The following CUX1 variants were observed in gnomAD, a reference collection of about 807,000 sequenced individuals.
CUX1 encodes protein CASP.
Under a neutral mutation model 158.8 loss-of-function variants are expected in CUX1, and 31 were observed. That is an observed-to-expected ratio of 0.20 (90% CI 0.15 to 0.26). CUX1 has a LOEUF of 0.26. Among genes scored for constraint, CUX1 ranks in the 10% least tolerant of loss-of-function variants. The pLI is 1.00. For synonymous variants in CUX1, 879 were observed against 862.1 expected, an observed-to-expected ratio of 1.02 and a Z score of -0.34; for missense variants, 1,589 against 2,014.6, an observed-to-expected ratio of 0.79 and a Z score of 4.04.
rs559041761 is a variant in CUX1, at chr7:102,194,010, G to A, written c.1125+120G>A. The A allele has an allele frequency of 6.4e-6, 6 of 942,510 alleles. No homozygotes were observed. The East Asian group carries it at 1.5e-4, about 23-fold the overall frequency. The allele number at this position is 942,510 out of a possible 1,614,324, so 58.4% of individuals were successfully genotyped here. On this transcript the variant is annotated intron_variant, in intron 13 of 23. Transcript: ENST00000292535. ...GAGACCTCTCACTTACAGCCGATGA[G>A]TCATACTTCAAGAACATTTAACCAA...
At chr7:101,999,054 TCCC>T (rs1245672208) in intron 2 of CUX1, among the ~76,000 whole-genome samples, 1 of 151,770 alleles carries the variant, frequency 6.6e-6, no homozygotes, top group East Asian at 1.9e-4. Context: ...CCAGATCCTG[TCCC>T]CAGGCAAGCA....
At chr7:102,020,218 C>T (rs1268302827) in intron 2 of CUX1, among the ~76,000 whole-genome samples, 1 of 152,044 alleles carries the variant, frequency 6.6e-6, no homozygotes, top group Non-Finnish European at 1.5e-5. Flanking sequence ...TTAAAATTAC[C>T]CTTTTCTATC....
At chr7:102,193,460 G>A (rs1170492788) in intron 12 of CUX1, among the ~76,000 whole-genome samples, 2 of 152,196 alleles carry the variant, frequency 1.3e-5, no homozygotes, top group Non-Finnish European at 2.9e-5. Context: ...GGTTCCTGGA[G>A]AGCAGGAAAT....
intron 1 of CUX1, among the ~76,000 whole-genome samples, chr7:101,855,012 G>A (rs1207465202): frequency 2.0e-5 from 3 of 152,246 alleles, no homozygotes; most frequent in Non-Finnish European, 2.9e-5. Flanking sequence ...TGGGATGACA[G>A]GTGTGAGCCA....
chr7:102,102,138 A>C (rs1339069387), intron 5 of CUX1, among the ~76,000 whole-genome samples: 2 of 152,012 alleles, frequency 1.3e-5, no homozygotes, highest in Non-Finnish European at 2.9e-5. Context: ...AGCCAAACCA[A>C]AAGGCGGAAA....
chr7:101,900,601 A>T (rs1222874865), intron 1 of CUX1, among the ~76,000 whole-genome samples: 1 of 152,192 alleles, frequency 6.6e-6, no homozygotes, highest in Non-Finnish European at 1.5e-5. Context: ...GTTTTTTCCC[A>T]GGAGCCAGTT....
intron 2 of CUX1, among the ~76,000 whole-genome samples, chr7:101,994,983 G>A (rs1387091800): frequency 2.0e-5 from 3 of 151,832 alleles, no homozygotes; most frequent in Non-Finnish European, 2.9e-5. Context: ...ATTAGTGTCA[G>A]TTATTTAGAA....
chr7:101,984,077 C>CAAAA (rs1181549351), intron 2 of CUX1, among the ~76,000 whole-genome samples: 258 of 16,604 alleles, frequency 0.016, 18 homozygotes, highest in Non-Finnish European at 0.02. Flanking sequence ...TGTCCCCCCC[C>CAAAA]AAAAAAAAAA....
At chr7:102,036,036 G>A (rs1417883222) in intron 3 of CUX1, among the ~76,000 whole-genome samples, 1 of 151,784 alleles carries the variant, frequency 6.6e-6, no homozygotes, top group African/African-American at 2.4e-5. Flanking sequence ...CTTTTGTAAC[G>A]GCCCTCCCTG....
At chr7:102,218,675 G>A (rs1358669320) in intron 20 of CUX1, among the ~76,000 whole-genome samples, 1 of 151,022 alleles carries the variant, frequency 6.6e-6, no homozygotes, top group Non-Finnish European at 1.5e-5. Flanking sequence ...GCAACAGGGT[G>A]AGACCATGTC....
At chr7:102,077,362 C>T (rs1394086904) in intron 4 of CUX1, among the ~76,000 whole-genome samples, 2 of 151,722 alleles carry the variant, frequency 1.3e-5, no homozygotes, top group Admixed American at 6.6e-5. Flanking sequence ...AGCAGCCAGA[C>T]GGAGACACTG....
rs532374177 is a variant in CUX1 at position 101,892,205 on chromosome 7, G to A, written c.31-23910G>A. Among the ~76,000 whole-genome samples, 169 of 152,334 alleles carry A rather than the reference G, an allele frequency of 1.1e-3. 1 individual carries two copies. The highest frequency in any genetic ancestry group is 2.2e-3 in the Non-Finnish European group (152 of 68,024). On this transcript the variant is annotated intron_variant, in intron 1 of 23. Coordinates refer to ENST00000292535, the MANE Select transcript of CUX1 (RefSeq NM_181552.4). ...AACTTAATCTAGAAGCAATATGCTG[G>A]TCAGATTCTTTCAATGCTAGGTTTA... is the stretch of plus-strand genomic sequence containing the variant.
chr7:102,151,023 T>C (rs1835589575), intron 8 of CUX1, among the ~76,000 whole-genome samples: 1 of 152,208 alleles, frequency 6.6e-6, no homozygotes, highest in South Asian at 2.1e-4. Flanking sequence ...CTGCAGATAC[T>C]GATGTGGTTA....
chr7:101,837,866 A>G (rs1313023425), intron 1 of CUX1, among the ~76,000 whole-genome samples: 1 of 150,060 alleles, frequency 6.7e-6, no homozygotes, highest in Non-Finnish European at 1.5e-5. Context: ...AAAGGATACC[A>G]AAATTCTCAA....
Position 102,202,214 on chromosome 7 carries a change from C to A in CUX1, c.2907+10C>A, listed in dbSNP as rs138726375. On this transcript the variant is annotated intron_variant, in intron 18 of 23. Transcript: ENST00000292535. ...AATCTTCGGGGAGAAGGTAAGGGATCTGCTCTGGGGGCTTTGGTTCTCCCA... is the reference window on the plus strand; with the variant it reads ...AATCTTCGGGGAGAAGGTAAGGGATATGCTCTGGGGGCTTTGGTTCTCCCA... The A allele has an allele frequency of 8.4e-3, 13,414 of 1,591,746 alleles. 85 individuals carry two copies. Among genetic ancestry groups the A allele is most frequent in the Non-Finnish European group, 0.01 (12,120 of 1,167,070 alleles).
chr7:101,940,137 G>T (rs1807525393), intron 2 of CUX1, among the ~76,000 whole-genome samples: 1 of 151,366 alleles, frequency 6.6e-6, no homozygotes. Context: ...CTACTTAGGA[G>T]GCTGAGGCAG....
chr7:101,857,858 C>T (rs1447283423), intron 1 of CUX1, among the ~76,000 whole-genome samples: 2 of 152,186 alleles, frequency 1.3e-5, no homozygotes, highest in East Asian at 1.9e-4. Flanking sequence ...GGTGGTGGCT[C>T]ACGCCTGTAA....
At chr7:101,858,515 C>T (rs572105215) in intron 1 of CUX1, among the ~76,000 whole-genome samples, 15 of 152,256 alleles carry the variant, frequency 9.9e-5, no homozygotes, top group African/African-American at 3.4e-4. Flanking sequence ...CTCCTCTCAC[C>T]CGAAAGAATG....
Position 101,828,991 on chromosome 7 carries a change from C to T in CUX1, c.30+11322C>T, listed in dbSNP as rs529531106. The stretch of plus-strand genomic sequence containing the variant: ...GCTGGTGGGAGGGAATTCCAGGGGT[C>T]GAGCCCCTGGGGAAAAGGAGGCTTT... On this transcript the variant is annotated intron_variant, in intron 1 of 23. Coordinates refer to ENST00000292535, the MANE Select transcript of CUX1 (RefSeq NM_181552.4). Among the ~76,000 whole-genome samples the T allele has an allele frequency of 3.2e-3, 485 of 151,754 alleles. 1 individual carries two copies. Among genetic ancestry groups the T allele is most frequent in the African/African-American group, 0.011 (457 of 41,422 alleles).
Sources: gnomAD v4.1 joint callset for allele counts (sites outside exome capture counted in the v4.1 genomes callset) on GRCh38, gnomAD v4.1.1 for gene constraint, MANE v1.5 for transcripts, NCBI Gene and HGNC (gene_info 2026-07-23, HGNC 2026-07-21) for gene names.